The following DNER variants were observed in gnomAD, a reference collection of about 807,000 sequenced individuals.
DNER encodes the protein delta and Notch-like epidermal growth factor-related receptor.
DNER carries 33 observed loss-of-function variants against 78.2 expected under a neutral mutation model. The ratio of observed to expected loss-of-function variants is 0.42; its 90% CI spans 0.32 to 0.56. The LOEUF (loss-of-function observed/expected upper bound fraction) is 0.56, where lower values mean the gene tolerates loss of function less well. DNER is among the 20% of genes least tolerant of loss of function. The pLI is 0.11. For missense variants in DNER, 918 were observed against 975.3 expected (o/e 0.94, Z 0.78); for synonymous variants, 417 against 384.8 (o/e 1.08, Z -0.98).
chr2:229,666,802 G>C (rs1388008374), intron 1 of DNER, among the ~76,000 whole-genome samples: 1 of 152,172 alleles, frequency 6.6e-6, no homozygotes, highest in East Asian at 1.9e-4. Context: ...ACAGAGTTCA[G>C]CTGTATAGCA....
At chr2:229,413,609 C>T (rs1215382465) in intron 9 of DNER, among the ~76,000 whole-genome samples, 2 of 151,508 alleles carry the variant, frequency 1.3e-5, no homozygotes, top group Non-Finnish European at 2.9e-5. Flanking sequence ...GTGTGAGCCA[C>T]CGCCCCCGGC....
chr2:229,600,917 C>T lies in DNER; in HGVS notation c.277-9029G>A, dbSNP rs547941285. 3.5e-4 allele frequency among the ~76,000 whole-genome samples: 54 copies of T among 152,230 alleles called. No individual in the cohort carries two copies. In the South Asian group the frequency reaches 3.7e-3, roughly 11 times the overall value. ...TCTGTCTGCCAGTTGGAGAGGGGGA[C>T]TACAGCAAAGATGACTCCAGAATTT... On this transcript the variant is annotated intron_variant, in intron 1 of 12. Transcript: ENST00000341772.
At chr2:229,363,346 A>G (rs1034396997) in intron 12 of DNER, among the ~76,000 whole-genome samples, 1 of 152,214 alleles carries the variant, frequency 6.6e-6, no homozygotes, top group African/African-American at 2.4e-5. Flanking sequence ...AGTAGCAGTG[A>G]GACAGCCCAT....
intron 8 of DNER, among the ~76,000 whole-genome samples, chr2:229,421,054 A>G (rs10192937): frequency 0.35 from 53,558 of 152,020 alleles, 11,386 homozygotes; most frequent in African/African-American, 0.59. Flanking sequence ...GTCAAGCAAA[A>G]GTGGTACATA....
At chr2:229,402,497 G>A (rs996202840) in intron 10 of DNER, among the ~76,000 whole-genome samples, 1 of 152,148 alleles carries the variant, frequency 6.6e-6, no homozygotes, top group Non-Finnish European at 1.5e-5. Flanking sequence ...TGAACTGAAA[G>A]ACAAATATCA....
intron 7 of DNER, among the ~76,000 whole-genome samples, chr2:229,458,328 A>T (rs1694622103): frequency 6.6e-6 from 1 of 151,880 alleles, no homozygotes; most frequent in African/African-American, 2.4e-5. Context: ...AAGCTTTAAC[A>T]ATCCCAAATA....
At chr2:229,650,599 C>T (rs573827003) in intron 1 of DNER, among the ~76,000 whole-genome samples, 19 of 152,160 alleles carry the variant, frequency 1.2e-4, no homozygotes, top group Non-Finnish European at 2.5e-4. Flanking sequence ...CTCACACCTG[C>T]TGCCACCCCT....
intron 4 of DNER, among the ~76,000 whole-genome samples, chr2:229,554,211 T>A (rs887256103): frequency 1.3e-5 from 2 of 152,160 alleles, no homozygotes; most frequent in African/African-American, 4.8e-5. Context: ...AAGTCCTACA[T>A]CAATGCTAAG....
chr2:229,656,843 T>C (rs1698920170), intron 1 of DNER, among the ~76,000 whole-genome samples: 1 of 152,240 alleles, frequency 6.6e-6, no homozygotes, highest in Non-Finnish European at 1.5e-5. Context: ...TTTCTCTTTT[T>C]TTCTGGCCTT....
At chr2:229,424,594 T>A (rs1693835544) in intron 8 of DNER, among the ~76,000 whole-genome samples, 1 of 152,172 alleles carries the variant, frequency 6.6e-6, no homozygotes, top group Non-Finnish European at 1.5e-5. Context: ...CATGTCCTTT[T>A]CTCTGTGTGT....
chr2:229,498,494 CATG>C (rs1051837692), intron 6 of DNER, among the ~76,000 whole-genome samples: 1 of 152,160 alleles, frequency 6.6e-6, no homozygotes, highest in Non-Finnish European at 1.5e-5. Context: ...TTGCTGATGA[CATG>C]ACCTTATATA....
chr2:229,373,435 T>C (rs1443741967), intron 11 of DNER, among the ~76,000 whole-genome samples: 1 of 152,002 alleles, frequency 6.6e-6, no homozygotes, highest in African/African-American at 2.4e-5. Flanking sequence ...GATTAAAAAG[T>C]CAAGAAACAA....
chr2:229,417,004 T>G lies in DNER; in HGVS notation c.1609+1104A>C, dbSNP rs115898356. 3.1e-3 allele frequency among the ~76,000 whole-genome samples: 466 copies of G among 152,322 alleles called. 3 individuals are homozygous for G. The highest frequency in any genetic ancestry group is 0.01 in the African/African-American group (436 of 41,570). On this transcript the variant is annotated intron_variant, in intron 9 of 12. Coordinates refer to ENST00000341772, the MANE Select transcript of DNER (RefSeq NM_139072.4). ...GGTAATAGATAGATAGACTCAGAAC[T>G]GAGAAGCCTGAGAATGAAGCCAGCA...
intron 1 of DNER, among the ~76,000 whole-genome samples, chr2:229,642,276 C>A (rs1318739051): frequency 1.3e-5 from 2 of 152,108 alleles, no homozygotes; most frequent in African/African-American, 2.4e-5. Flanking sequence ...TCAATCCCAA[C>A]AATTATTTTC....
intron 8 of DNER, among the ~76,000 whole-genome samples, chr2:229,421,496 G>A (rs1443312099): frequency 6.7e-6 from 1 of 149,374 alleles, no homozygotes; most frequent in Non-Finnish European, 1.5e-5. Context: ...ATTATATACA[G>A]ATATATATTT....
chr2:229,643,622 G>C (rs541480581), intron 1 of DNER, among the ~76,000 whole-genome samples: 41 of 152,296 alleles, frequency 2.7e-4, no homozygotes, highest in Admixed American at 1.4e-3. Flanking sequence ...TGGTATCATG[G>C]AGATGATGAT....
intron 1 of DNER, among the ~76,000 whole-genome samples, chr2:229,632,738 T>C (rs1327384629): frequency 2.0e-5 from 3 of 152,210 alleles, no homozygotes; most frequent in Non-Finnish European, 2.9e-5. Context: ...AGAGATGATA[T>C]TAATTAGTAA....
chr2:229,371,636 G>T (rs868688732), intron 11 of DNER, among the ~76,000 whole-genome samples: 2 of 152,186 alleles, frequency 1.3e-5, no homozygotes, highest in Admixed American at 6.5e-5. Flanking sequence ...TCAAGGTGAG[G>T]CAGACAGTCA....
intron 1 of DNER, among the ~76,000 whole-genome samples, chr2:229,686,670 C>A (rs1216749483): frequency 6.6e-6 from 1 of 152,180 alleles, no homozygotes; most frequent in African/African-American, 2.4e-5. Flanking sequence ...CTGACTCCAG[C>A]ACTCACTCAG....
Sources: allele counts gnomAD v4.1 joint callset (sites outside exome capture counted in the v4.1 genomes callset), GRCh38; gene constraint gnomAD v4.1.1; transcripts MANE v1.5; gene names NCBI Gene and HGNC (gene_info 2026-07-23, HGNC 2026-07-21).